The following ZFAND3 variants were observed in gnomAD, a reference collection of about 807,000 sequenced individuals.
ZFAND3 encodes the protein AN1-type zinc finger protein 3.
A neutral mutation model predicts 29.6 loss-of-function variants in ZFAND3; 10 were observed. The observed-to-expected ratio is 0.34, with a 90% confidence interval of 0.21 to 0.57. The LOEUF (loss-of-function observed/expected upper bound fraction) is 0.57. ZFAND3 is among the 20% of genes least tolerant of loss of function. The pLI is 0.86. For missense variants in ZFAND3, 230 were observed against 304.5 expected (o/e 0.76, Z 1.82); for synonymous variants, 128 against 112.6 (o/e 1.14, Z -0.87).
chr6:37,976,286 A>ATTAC (rs1762476325), intron 2 of ZFAND3, among the ~76,000 whole-genome samples: 1 of 152,058 alleles, frequency 6.6e-6, no homozygotes, highest in Non-Finnish European at 1.5e-5. Context: ...CACTGCTGTA[A>ATTAC]AGATACTACC....
At chr6:37,962,579 T>A (rs1047629446) in intron 2 of ZFAND3, among the ~76,000 whole-genome samples, 1 of 152,108 alleles carries the variant, frequency 6.6e-6, no homozygotes, top group Admixed American at 6.5e-5. Flanking sequence ...CAGCGCTCTG[T>A]GTCTAGCTAA....
chr6:38,090,279 T>A (rs1764838791), intron 4 of ZFAND3, among the ~76,000 whole-genome samples: 1 of 152,236 alleles, frequency 6.6e-6, no homozygotes, highest in Admixed American at 6.5e-5. Flanking sequence ...ATTAGAAATT[T>A]GACCTACTTA....
chr6:37,860,629 T>G (rs1218967699), intron 1 of ZFAND3, among the ~76,000 whole-genome samples: 1 of 149,366 alleles, frequency 6.7e-6, no homozygotes, highest in African/African-American at 2.5e-5. Context: ...CAAGGGGATA[T>G]TCACTTAGTT....
chr6:37,903,280 A>G (rs1223577117), intron 1 of ZFAND3, among the ~76,000 whole-genome samples: 2 of 152,220 alleles, frequency 1.3e-5, no homozygotes, highest in African/African-American at 4.8e-5. Flanking sequence ...GTCACCAACA[A>G]AATATATAGG....
At chr6:38,063,318 G>T (rs546727073) in intron 3 of ZFAND3, among the ~76,000 whole-genome samples, 2 of 152,160 alleles carry the variant, frequency 1.3e-5, no homozygotes, top group Non-Finnish European at 2.9e-5. Flanking sequence ...TATATTTGTT[G>T]TAGTTTATCA....
intron 1 of ZFAND3, among the ~76,000 whole-genome samples, chr6:37,831,743 G>A (rs1763865901): frequency 6.6e-6 from 1 of 152,150 alleles, no homozygotes; most frequent in Admixed American, 6.5e-5. Context: ...GAGGCACAGA[G>A]GAATGGGAAA....
intron 4 of ZFAND3, among the ~76,000 whole-genome samples, chr6:38,106,167 T>C (rs1346589171): frequency 6.6e-6 from 1 of 151,912 alleles, no homozygotes; most frequent in Non-Finnish European, 1.5e-5. Flanking sequence ...TTTTTTTTTT[T>C]GGAGACAGAA....
At chr6:37,921,691 A>C (rs1046218131) in intron 1 of ZFAND3, among the ~76,000 whole-genome samples, 5 of 152,110 alleles carry the variant, frequency 3.3e-5, no homozygotes, top group African/African-American at 1.2e-4. Flanking sequence ...AATTGAAAAA[A>C]AAATTTAGAA....
At chr6:37,924,998 G>A (rs1384560437) in intron 1 of ZFAND3, among the ~76,000 whole-genome samples, 1 of 151,988 alleles carries the variant, frequency 6.6e-6, no homozygotes, top group Non-Finnish European at 1.5e-5. Context: ...TGGTTGAAAT[G>A]TGGTGAATGA....
chr6:37,860,985 C>T (rs1005930390), intron 1 of ZFAND3, among the ~76,000 whole-genome samples: 1 of 152,066 alleles, frequency 6.6e-6, no homozygotes, highest in Non-Finnish European at 1.5e-5. Context: ...TAAGGCCGGG[C>T]GTGGTGGCTC....
intron 2 of ZFAND3, among the ~76,000 whole-genome samples, chr6:38,052,022 C>G (rs1458256540): frequency 1.3e-5 from 2 of 152,078 alleles, no homozygotes; most frequent in African/African-American, 2.4e-5. Flanking sequence ...GTAGTTGGCT[C>G]TATAGGTGTG....
intron 1 of ZFAND3, among the ~76,000 whole-genome samples, chr6:37,908,542 T>TAAAAAAAAAA (rs70981504): frequency 1.8e-3 from 223 of 123,888 alleles, no homozygotes; most frequent in Non-Finnish European, 2.8e-3. Flanking sequence ...AAAAAAAAAT[T>TAAAAAAAAAA]AAAAAAAAAA....
Position 38,154,358 on chromosome 6 carries a change from T to C in ZFAND3, c.*1969T>C. 1.1e-6 allele frequency: 1 copy of C among 931,604 alleles called. No individual in the cohort carries two copies. The highest frequency in any genetic ancestry group is 1.3e-6 in the Non-Finnish European group (1 of 788,032). The allele number at this position is 931,604 out of a possible 1,614,324, so 57.7% of individuals were successfully genotyped here. A position where few individuals can be genotyped will look rare whatever the true frequency, so the allele number is the denominator to read the frequency against. On this transcript the variant is annotated 3_prime_UTR_variant, in exon 6 of 6. Coordinates refer to ENST00000287218, the MANE Select transcript of ZFAND3 (RefSeq NM_021943.3). ...CTGGGGGAGCGAAGCCCATGTTCGC[T>C]TCCTGACTTAGAGCTGGGGGGGGTG...
At chr6:37,856,266 A>AT (rs1362194970) in intron 1 of ZFAND3, among the ~76,000 whole-genome samples, 2 of 152,106 alleles carry the variant, frequency 1.3e-5, no homozygotes, top group Non-Finnish European at 2.9e-5. Flanking sequence ...GATTGCTGGG[A>AT]TTACAGGCAT....
chr6:37,950,523 G>T (rs1205566304), intron 2 of ZFAND3, among the ~76,000 whole-genome samples: 1 of 151,796 alleles, frequency 6.6e-6, no homozygotes, highest in African/African-American at 2.4e-5. Flanking sequence ...GATTACAGGC[G>T]CCTGCCACCG....
At chr6:38,080,801 G>A (rs1053361608) in intron 3 of ZFAND3, among the ~76,000 whole-genome samples, 2 of 152,174 alleles carry the variant, frequency 1.3e-5, no homozygotes. Flanking sequence ...TTGAGGCTGT[G>A]TTAGCTTTGC....
At chr6:38,067,843 A>G (rs778274086) in intron 3 of ZFAND3, among the ~76,000 whole-genome samples, 8 of 152,112 alleles carry the variant, frequency 5.3e-5, no homozygotes, top group Non-Finnish European at 1.0e-4. Context: ...GAGCATCCCT[A>G]TTTATGACCT....
intron 4 of ZFAND3, among the ~76,000 whole-genome samples, chr6:38,089,236 C>T (rs1490274332): frequency 6.6e-6 from 1 of 152,054 alleles, no homozygotes; most frequent in Non-Finnish European, 1.5e-5. Context: ...TATTCTCCTG[C>T]CTCACCCCCA....
Position 38,152,498 on chromosome 6 carries a change from C to A in ZFAND3, c.*109C>A. 7.3e-7 allele frequency: 1 copy of A among 1,376,492 alleles called. No individual in the cohort carries two copies. The highest frequency in any genetic ancestry group is 2.0e-5 in the South Asian group (1 of 50,932). 85.3% of individuals were successfully genotyped at this position (1,376,492 alleles called of 1,614,324 possible). A position where few individuals can be genotyped will look rare whatever the true frequency, so the allele number is the denominator to read the frequency against. ...TACTGGGCACGCGTCAGACTGCAGCCAGTCCGTTTCCTTTCTTTAGCCAGC... is the reference window on the plus strand; with the variant it reads ...TACTGGGCACGCGTCAGACTGCAGCAAGTCCGTTTCCTTTCTTTAGCCAGC... On this transcript the variant is annotated 3_prime_UTR_variant, in exon 6 of 6. Coordinates refer to ENST00000287218, the MANE Select transcript of ZFAND3 (RefSeq NM_021943.3).
Sources: gnomAD v4.1 joint callset for allele counts (sites outside exome capture counted in the v4.1 genomes callset) on GRCh38, gnomAD v4.1.1 for gene constraint, MANE v1.5 for transcripts, NCBI Gene and HGNC (gene_info 2026-07-23, HGNC 2026-07-21) for gene names.